AEBP2: variants seen among roughly 807,000 people sequenced by gnomAD.
AEBP2 encodes zinc finger protein AEBP2.
Under a neutral mutation model 50.8 loss-of-function variants are expected in AEBP2, and 10 were observed. The observed-to-expected ratio is 0.20, with a 90% CI of 0.12 to 0.33. AEBP2 has a LOEUF of 0.33. Among genes scored for constraint, AEBP2 ranks in the 10% least tolerant of loss-of-function variants. The pLI, the probability that AEBP2 is intolerant of heterozygous loss-of-function variation, is 1.00. For missense variants in AEBP2, 570 were observed against 688.0 expected (o/e 0.83, Z 1.92); for synonymous variants, 296 against 261.3 (o/e 1.13, Z -1.28).
At chr12:19,516,111 C>G (rs1033531194) in intron 7 of AEBP2, among the ~76,000 whole-genome samples, 7 of 152,120 alleles carry the variant, frequency 4.6e-5, no homozygotes, top group African/African-American at 1.2e-4. Flanking sequence ...TCTCAAACAT[C>G]TTTTGGTGAA....
At chr12:19,503,215 C>G (rs1949108422) in intron 5 of AEBP2, among the ~76,000 whole-genome samples, 1 of 152,164 alleles carries the variant, frequency 6.6e-6, no homozygotes, top group Non-Finnish European at 1.5e-5. Context: ...TTCTTCCAAT[C>G]TGTGAGCATG....
chr12:19,475,168 T>C (rs1426592210), intron 3 of AEBP2, among the ~76,000 whole-genome samples: 1 of 45,742 alleles, frequency 2.2e-5, no homozygotes, highest in Non-Finnish European at 4.0e-5. Flanking sequence ...GGTGCACCTG[T>C]CACCTGAGCT....
Position 19,478,641 on chromosome 12 carries a change from C to G in AEBP2, c.987+5286C>G, listed in dbSNP as rs1442522932. Among the ~76,000 whole-genome samples, 4 of 152,276 alleles carry G rather than the reference C, an allele frequency of 2.6e-5. No individual in the cohort carries two copies. The East Asian group carries it at 5.8e-4, about 22-fold the overall frequency. On this transcript the variant is annotated intron_variant, in intron 3 of 7. Coordinates refer to ENST00000266508, the MANE Select transcript of AEBP2 (RefSeq NM_153207.5). ...ACTTTTCCTCTTAGCACCGCTTTTG[C>G]TGTTGCCCACTGGTTTTGATAAGTT... is the stretch of plus-strand genomic sequence containing the variant.
chr12:19,456,724 A>G, intron 1 of AEBP2: 1 of 1,589,432 alleles, frequency 6.3e-7, no homozygotes, highest in East Asian at 2.2e-5. Context: ...TTGTCCCCAG[A>G]AAGAGTTTCA....
At chr12:19,512,340 T>C in intron 5 of AEBP2, 58 bp from the exon 6 acceptor site, 2 of 1,245,078 alleles carry the variant, frequency 1.6e-6, no homozygotes, top group Non-Finnish European at 1.1e-6. Flanking sequence ...TTTTTAACAA[T>C]ACATGAAAAT....
intron 4 of AEBP2, 151 bp from the exon 5 acceptor site, chr12:19,499,946 C>T (rs1949041272): frequency 2.6e-6 from 2 of 761,868 alleles, no homozygotes; most frequent in African/African-American, 3.7e-5. Flanking sequence ...GCATATTAGT[C>T]TTCTTATCTA....
At chr12:19,452,162 ATTTTTAT>A (rs945264217) in intron 1 of AEBP2, among the ~76,000 whole-genome samples, 1 of 152,064 alleles carries the variant, frequency 6.6e-6, no homozygotes, top group African/African-American at 2.4e-5. Flanking sequence ...AAGTGCTGGG[ATTTTTAT>A]TTTTATTGGG....
chr12:19,441,733 G>A (rs988869807), intron 1 of AEBP2, among the ~76,000 whole-genome samples: 4 of 152,174 alleles, frequency 2.6e-5, no homozygotes, highest in Non-Finnish European at 2.9e-5. Context: ...GTAGGCATGG[G>A]TAGGAAGGAG....
At chr12:19,482,365 T>C (rs1406532458) in intron 3 of AEBP2, among the ~76,000 whole-genome samples, 1 of 152,178 alleles carries the variant, frequency 6.6e-6, no homozygotes, top group African/African-American at 2.4e-5. Context: ...ATGTTGAGTG[T>C]ACTTGCTTTC....
At chr12:19,437,300 C>T (rs1185703883), upstream of AEBP2, among the ~76,000 whole-genome samples, 1 of 152,226 alleles carries the variant, frequency 6.6e-6, no homozygotes, top group Non-Finnish European at 1.5e-5. Flanking sequence ...GTCTTTACTT[C>T]TGAAGGCTCC....
At chr12:19,467,233 A>G (rs1326335877) in intron 2 of AEBP2, among the ~76,000 whole-genome samples, 1 of 151,186 alleles carries the variant, frequency 6.6e-6, no homozygotes, top group Non-Finnish European at 1.5e-5. Context: ...TAAAAACATC[A>G]TGAGAGTGCT....
intron 1 of AEBP2, among the ~76,000 whole-genome samples, chr12:19,424,800 G>A (rs1347393013): frequency 6.6e-6 from 1 of 151,778 alleles, no homozygotes; most frequent in Non-Finnish European, 1.5e-5. Context: ...TTGAGGTCAG[G>A]AGTTCAAGAC....
chr12:19,517,820 A>G (rs950058720), intron 7 of AEBP2, among the ~76,000 whole-genome samples: 5 of 152,234 alleles, frequency 3.3e-5, no homozygotes, highest in African/African-American at 9.6e-5. Flanking sequence ...CATCAGTTTT[A>G]AAGTATTAGT....
chr12:19,456,308 G>T (rs1462659309), intron 1 of AEBP2: 1 of 1,493,512 alleles, frequency 6.7e-7, no homozygotes, highest in Non-Finnish European at 9.2e-7. Flanking sequence ...CAGCCTTCTT[G>T]TTCACTGCTT....
intron 1 of AEBP2, among the ~76,000 whole-genome samples, chr12:19,453,133 T>C (rs531888080): frequency 2.6e-5 from 4 of 151,734 alleles, no homozygotes; most frequent in Admixed American, 2.0e-4. Flanking sequence ...CAGCCCCGGA[T>C]GATTTTTTTG....
intron 5 of AEBP2, among the ~76,000 whole-genome samples, chr12:19,501,854 CTG>C (rs1949087357): frequency 1.7e-5 from 2 of 117,092 alleles, no homozygotes; most frequent in Non-Finnish European, 3.3e-5. Flanking sequence ...AGTCATCCCT[CTG>C]TATTCACAGG....
At chr12:19,484,130 A>G (rs553212286) in intron 3 of AEBP2, among the ~76,000 whole-genome samples, 1 of 151,888 alleles carries the variant, frequency 6.6e-6, no homozygotes, top group African/African-American at 2.4e-5. Context: ...CCCAGGCTAG[A>G]TGGAGTGCAG....
chr12:19,436,820 G>A (rs913730170), upstream of AEBP2, among the ~76,000 whole-genome samples: 1 of 151,946 alleles, frequency 6.6e-6, no homozygotes, highest in Non-Finnish European at 1.5e-5. Context: ...GGCTGGTCTC[G>A]AACTCCTGGG....
chr12:19,457,710 GA>G, intron 1 of AEBP2: 25 of 1,035,914 alleles, frequency 2.4e-5, no homozygotes, highest in East Asian at 3.1e-5. Flanking sequence ...ATTGTGAAAA[GA>G]AAAAAAAGCT....
Sources: allele counts gnomAD v4.1 joint callset (sites outside exome capture counted in the v4.1 genomes callset), GRCh38; gene constraint gnomAD v4.1.1; transcripts MANE v1.5; gene names NCBI Gene and HGNC (gene_info 2026-07-23, HGNC 2026-07-21).